The following URAD variants were observed in gnomAD, a reference collection of about 807,000 sequenced individuals.
URAD encodes ureidoimidazoline (2-oxo-4-hydroxy-4-carboxy-5-) decarboxylase.
Under a neutral mutation model 4.6 loss-of-function variants are expected in URAD, and 4 were observed. The ratio of observed to expected loss-of-function variants is 0.87; its 90% CI spans 0.43 to 1.98. The LOEUF is 1.98. URAD is among the 30% of genes most tolerant of loss of function. The pLI, the probability that URAD is intolerant of heterozygous loss-of-function variation, is 0.03. For synonymous variants in URAD, 144 were observed against 118.2 expected, an observed-to-expected ratio of 1.22 and a Z score of -1.41; for missense variants, 300 against 255.3, an observed-to-expected ratio of 1.18 and a Z score of -1.19.
chr13:27,983,297 T>C (rs1191226193), intron 1 of URAD, among the ~76,000 whole-genome samples: 1 of 152,066 alleles, frequency 6.6e-6, no homozygotes, highest in Non-Finnish European at 1.5e-5. Context: ...TGGTGCGATC[T>C]CGGCTCACTG....
At chr13:27,987,901 GATAGATAGATAGATA>G (rs1201877435) in intron 1 of URAD, among the ~76,000 whole-genome samples, 2 of 45,714 alleles carry the variant, frequency 4.4e-5, no homozygotes, top group African/African-American at 1.2e-4. Flanking sequence ...ATGATAGATA[GATAGATAGATAGATA>G]GATAGATAGA....
intron 1 of URAD, among the ~76,000 whole-genome samples, chr13:27,979,359 G>A (rs972070468): frequency 5.9e-5 from 9 of 152,222 alleles, no homozygotes; most frequent in African/African-American, 2.2e-4. Context: ...ATTTCACGGA[G>A]TTAGCGCTGG....
At chr13:27,983,984 ATGT>A (rs1869946823) in intron 1 of URAD, among the ~76,000 whole-genome samples, 1 of 152,234 alleles carries the variant, frequency 6.6e-6, no homozygotes, top group African/African-American at 2.4e-5. Flanking sequence ...TTCAACAAAA[ATGT>A]TGTTTAGTAA....
At chr13:27,982,302 G>A (rs191850774) in intron 1 of URAD, among the ~76,000 whole-genome samples, 37 of 152,168 alleles carry the variant, frequency 2.4e-4, no homozygotes, top group Admixed American at 2.6e-4. Flanking sequence ...AGTGGCACGC[G>A]CCTATAATCC....
chr13:27,985,630 G>A (rs188162798), intron 1 of URAD, among the ~76,000 whole-genome samples: 2 of 152,244 alleles, frequency 1.3e-5, no homozygotes, highest in East Asian at 3.9e-4. Flanking sequence ...TACATTAGTG[G>A]ATAAATGAAT....
At chr13:27,985,074 T>C (rs34136875) in intron 1 of URAD, among the ~76,000 whole-genome samples, 34,056 of 152,208 alleles carry the variant, frequency 0.22, 4,239 homozygotes, top group African/African-American at 0.35. Context: ...TCCATATATG[T>C]ATACATTGTG....
intron 1 of URAD, among the ~76,000 whole-genome samples, chr13:27,982,435 C>A (rs1038088216): frequency 6.6e-6 from 1 of 152,036 alleles, no homozygotes; most frequent in Non-Finnish European, 1.5e-5. Flanking sequence ...AAAATGACTA[C>A]CACTTACCTT....
In URAD at chr13:27,987,454, A is replaced by C. The variant is rs1248349208; in HGVS notation, c.175+1009T>G. On this transcript the variant is annotated intron_variant, in intron 1 of 1. Coordinates refer to ENST00000332715, the MANE Select transcript of URAD (RefSeq NM_001105577.2). ...CTTCAGATTCTCCTCCTTCCCCTCC[A>C]TCCCTCAGGGAGTTGCTGATCTGAA... Among the ~76,000 whole-genome samples the C allele has an allele frequency of 2.6e-5, 4 of 152,128 alleles. No homozygotes were observed. The East Asian group carries it at 7.7e-4, about 29-fold the overall frequency.
chr13:27,981,152 A>G (rs1022108935), intron 1 of URAD, among the ~76,000 whole-genome samples: 5 of 151,898 alleles, frequency 3.3e-5, no homozygotes, highest in African/African-American at 9.7e-5. Flanking sequence ...CAGATATCCA[A>G]TCTTCATTGC....
At chr13:27,979,754 G>A (rs1402548279) in intron 1 of URAD, among the ~76,000 whole-genome samples, 1 of 152,158 alleles carries the variant, frequency 6.6e-6, no homozygotes, top group Non-Finnish European at 1.5e-5. Context: ...CCCCCTGTAA[G>A]GTAGACGTCC....
At chr13:27,982,903 T>C (rs1869916313) in intron 1 of URAD, among the ~76,000 whole-genome samples, 3 of 152,168 alleles carry the variant, frequency 2.0e-5, no homozygotes, top group African/African-American at 7.2e-5. Flanking sequence ...GTAAGCCCTA[T>C]TCTGAGAATC....
At chr13:27,980,399 G>A (rs1452305733) in intron 1 of URAD, among the ~76,000 whole-genome samples, 4 of 152,078 alleles carry the variant, frequency 2.6e-5, no homozygotes, top group African/African-American at 4.8e-5. Context: ...GGGGTTGGTC[G>A]TGCCACGCGG....
chr13:27,985,024 A>G (rs1312149486), intron 1 of URAD, among the ~76,000 whole-genome samples: 1 of 152,236 alleles, frequency 6.6e-6, no homozygotes, highest in African/African-American at 2.4e-5. Context: ...TTTTTGACAA[A>G]TAAAAATTAT....
intron 1 of URAD, among the ~76,000 whole-genome samples, chr13:27,979,060 G>A (rs1174164851): frequency 6.6e-6 from 1 of 152,180 alleles, no homozygotes; most frequent in Non-Finnish European, 1.5e-5. Flanking sequence ...CCCTAAGTGT[G>A]AGTTCTGGGT....
chr13:27,978,227 TCGCGCGGCACCGCCGTCCGGTCGCTGAAG>T lies in URAD; in HGVS notation c.372_400del (p.Phe125AlafsTer92), dbSNP rs747484541. 2 of 1,469,122 alleles carry T rather than the reference TCGCGCGGCACCGCCGTCCGGTCGCTGAAG, an allele frequency of 1.4e-6. No homozygotes were observed. Among genetic ancestry groups the T allele is most frequent in the East Asian group, 5.9e-5 (2 of 34,156 alleles). 91.0% of individuals were successfully genotyped at this position (1,469,122 alleles called of 1,614,324 possible). On this transcript the variant is annotated frameshift_variant, in exon 2 of 2. Coordinates refer to ENST00000332715, the MANE Select transcript of URAD (RefSeq NM_001105577.2). LOFTEE classifies it low-confidence loss of function (END_TRUNC). ...CGGGCAGAGCAGCCGGCGCGCCAGC[TCGCGCGGCACCGCCGTCCGGTCGCTGAAG>T]CGCGCGGCGAGCACGAAGGGGAAAC...
intron 1 of URAD, among the ~76,000 whole-genome samples, chr13:27,979,419 G>A (rs1250961249): frequency 6.6e-6 from 1 of 152,208 alleles, no homozygotes; most frequent in African/African-American, 2.4e-5. Flanking sequence ...CCCTCGGGGC[G>A]AGGCAAGATT....
intron 1 of URAD, among the ~76,000 whole-genome samples, chr13:27,982,237 TGA>T (rs1869897354): frequency 6.6e-6 from 1 of 152,176 alleles, no homozygotes; most frequent in African/African-American, 2.4e-5. Context: ...GAGACCAGCC[TGA>T]CCAACGTGGT....
chr13:27,984,747 G>A (rs1023368626), intron 1 of URAD, among the ~76,000 whole-genome samples: 2 of 152,230 alleles, frequency 1.3e-5, no homozygotes, highest in African/African-American at 4.8e-5. Flanking sequence ...GGGAGGCCGA[G>A]GTGGGCGGAT....
In URAD at chr13:27,978,215, C is replaced by T; in HGVS notation, c.413G>A (p.Arg138Gln). ...CTCCTGCGCGGACGGGCAGAGCAGCCGGCGCGCCAGCTCGCGCGGCACCGC... is the reference window on the plus strand; with the variant it reads ...CTCCTGCGCGGACGGGCAGAGCAGCTGGCGCGCCAGCTCGCGCGGCACCGC... ...RTAVPRELARRLLCPSAQELR... is the reference protein window; with the variant it reads ...RTAVPRELARQLLCPSAQELR... Residue 138 changes from arginine (R) to glutamine (Q), a missense_variant, in exon 2 of 2, where the codon CGG (arginine) becomes CAG (glutamine). Physicochemically the swap from Arg to Gln is conservative, Grantham distance 43. Transcript: ENST00000332715. 4.7e-6 allele frequency: 7 copies of T among 1,478,968 alleles called. No homozygotes were observed. The highest frequency in any genetic ancestry group is 6.2e-6 in the Non-Finnish European group (7 of 1,125,998). The allele number at this position is 1,478,968 out of a possible 1,614,324, so 91.6% of individuals were successfully genotyped here. A position where few individuals can be genotyped will look rare whatever the true frequency, so the allele number is the denominator to read the frequency against.
Sources: gnomAD v4.1 joint callset for allele counts (sites outside exome capture counted in the v4.1 genomes callset) on GRCh38, gnomAD v4.1.1 for gene constraint, MANE v1.5 for transcripts, NCBI Gene and HGNC (gene_info 2026-07-23, HGNC 2026-07-21) for gene names.